The following TBC1D16 variants were observed in gnomAD, a reference collection of about 807,000 sequenced individuals.
TBC1D16 encodes the protein TBC1 domain family member 16.
A neutral mutation model predicts 74.7 loss-of-function variants in TBC1D16; 58 were observed. The observed-to-expected ratio is 0.78, with a 90% CI of 0.63 to 0.97. TBC1D16 has a LOEUF of 0.97. Ranked by LOEUF, TBC1D16 falls within the 50% of genes least tolerant of loss-of-function variation. The pLI, the probability that TBC1D16 is intolerant of heterozygous loss-of-function variation, is 0.00. For missense variants in TBC1D16, 1,014 were observed against 1,079.5 expected, an observed-to-expected ratio of 0.94 and a Z score of 0.85; for synonymous variants, 493 against 474.7, an observed-to-expected ratio of 1.04 and a Z score of -0.50.
intron 2 of TBC1D16, 147 bp downstream of exon 2, chr17:80,013,220 C>T: frequency 7.5e-6 from 6 of 802,804 alleles, no homozygotes; most frequent in Non-Finnish European, 9.4e-6. Context: ...CCAGACCCTC[C>T]TTCCGGGAGG....
chr17:79,941,476 C>G lies in TBC1D16; in HGVS notation c.2056-369G>C, dbSNP rs374798460. ...TGGCAGCACCCCTCTCTTCTTCCCCCGCACCTTGCTCCACCCCCCACCCCC... is the reference window on the plus strand; with the variant it reads ...TGGCAGCACCCCTCTCTTCTTCCCCGGCACCTTGCTCCACCCCCCACCCCC... On this transcript the variant is annotated intron_variant, in intron 11 of 11. Transcript: ENST00000310924. The surrounding 1 kb of genome is among the most constrained non-coding windows in gnomAD (Gnocchi z 4.3). 1.3e-5 allele frequency among the ~76,000 whole-genome samples: 2 copies of G among 152,146 alleles called. No individual in the cohort carries two copies. Among genetic ancestry groups the G allele is most frequent in the South Asian group, 2.1e-4 (1 of 4,834 alleles).
chr17:80,018,129 A>G (rs2144725101), intron 1 of TBC1D16, among the ~76,000 whole-genome samples: 1 of 152,056 alleles, frequency 6.6e-6, no homozygotes, highest in African/African-American at 2.4e-5. Flanking sequence ...GCCATGTCCA[A>G]CAGAAACACT....
intron 3 of TBC1D16, among the ~76,000 whole-genome samples, chr17:79,967,443 T>C (rs921670196): frequency 2.0e-5 from 3 of 152,188 alleles, no homozygotes; most frequent in Admixed American, 6.5e-5. Flanking sequence ...GTTTGCATTA[T>C]ATAAGATCAA....
In TBC1D16 at chr17:79,981,537, C is replaced by T. The variant is rs2034579822; in HGVS notation, c.779+28623G>A. Among the ~76,000 whole-genome samples the T allele has an allele frequency of 6.6e-6, 1 of 152,208 alleles. No homozygotes were observed. Among genetic ancestry groups the T allele is most frequent in the Non-Finnish European group, 1.5e-5 (1 of 68,038 alleles). On this transcript the variant is annotated intron_variant, in intron 3 of 11. Transcript: ENST00000310924. The surrounding 1 kb of genome is among the most constrained non-coding windows in gnomAD (Gnocchi z 6.9). ...TTCACAAAAGAAGACACCAGGTGAA[C>T]AAGCACGCAGAGACATATTCAAGAT...
At position 79,950,921 on chromosome 17, in the gene TBC1D16, C is replaced by T. The variant is rs2033004720; in HGVS notation, c.1090-343G>A. 7.4e-7 allele frequency: 1 copy of T among 1,344,482 alleles called. No individual in the cohort carries two copies. Among genetic ancestry groups the T allele is most frequent in the Non-Finnish European group, 9.9e-7 (1 of 1,007,482 alleles). The allele number at this position is 1,344,482 out of a possible 1,614,324, so 83.3% of individuals were successfully genotyped here. A position where few individuals can be genotyped will look rare whatever the true frequency, so the allele number is the denominator to read the frequency against. The stretch of plus-strand genomic sequence containing the variant: ...GCAATGAATTACATGTGATTGGCCA[C>T]ATACAAAGGGATCGCTGTTCTGCGA... On this transcript the variant is annotated intron_variant, in intron 5 of 11. Coordinates refer to ENST00000310924, the MANE Select transcript of TBC1D16 (RefSeq NM_019020.4). The surrounding 1 kb of genome is among the most constrained non-coding windows in gnomAD (Gnocchi z 4.6).
At position 80,001,101 on chromosome 17, in the gene TBC1D16, G is replaced by A. The variant is rs2035468401; in HGVS notation, c.779+9059C>T. Among the ~76,000 whole-genome samples the A allele has an allele frequency of 2.0e-5, 3 of 152,234 alleles. No homozygotes were observed. In the East Asian group the frequency reaches 5.8e-4, roughly 29 times the overall value. The stretch of plus-strand genomic sequence containing the variant: ...CCTGACAGTGAGACTGCTGGGGCGA[G>A]GCTATGTCCTGTGGCCATTTCTAGA... On this transcript the variant is annotated intron_variant, in intron 3 of 11. Transcript: ENST00000310924. This position sits in a 1 kb window ranked among gnomAD's most constrained non-coding sequence, Gnocchi z 5.8.
chr17:80,013,351 G>A lies in TBC1D16; in HGVS notation c.181+16C>T, dbSNP rs750932233. ...CTGGGCTGTGCGACCCTGGAGCCTC[G>A]CCTGCCCTGGCTCACCTGGGTGGTG... On this transcript the variant is annotated intron_variant, in intron 2 of 11. Coordinates refer to ENST00000310924, the MANE Select transcript of TBC1D16 (RefSeq NM_019020.4). 21 of 1,589,458 alleles carry A rather than the reference G, an allele frequency of 1.3e-5. No homozygotes were observed. The highest frequency in any genetic ancestry group is 1.3e-4 in the South Asian group (11 of 87,772).
Position 80,032,219 on chromosome 17 carries a change from G to A in TBC1D16, c.-63+3576C>T, listed in dbSNP as rs375083986. On this transcript the variant is annotated intron_variant, in intron 1 of 11. Coordinates refer to ENST00000310924, the MANE Select transcript of TBC1D16 (RefSeq NM_019020.4). ...ATAGTGACCAATCCAGAAAGACCACGGAGAAAATACTGCCACATCTCAGCG... is the reference window on the plus strand; with the variant it reads ...ATAGTGACCAATCCAGAAAGACCACAGAGAAAATACTGCCACATCTCAGCG... Among the ~76,000 whole-genome samples the A allele has an allele frequency of 1.9e-3, 294 of 152,290 alleles. 1 individual carries two copies. Among genetic ancestry groups the A allele is most frequent in the African/African-American group, 6.1e-3 (254 of 41,546 alleles).
Position 79,937,942 on chromosome 17 carries a change from A to C in TBC1D16, c.*2917T>G, listed in dbSNP as rs1190431120. On this transcript the variant is annotated 3_prime_UTR_variant, in exon 12 of 12. Coordinates refer to ENST00000310924, the MANE Select transcript of TBC1D16 (RefSeq NM_019020.4). The stretch of plus-strand genomic sequence containing the variant: ...CATCAACTTTTAAGTATGCGCACAC[A>C]CGTACGCCAGCCAATAACATTAAGT... The C allele has an allele frequency of 4.6e-5, 7 of 152,296 alleles. No individual in the cohort carries two copies. The South Asian group carries it at 1.2e-3, about 27-fold the overall frequency. 9.4% of individuals were successfully genotyped at this position (152,296 alleles called of 1,614,324 possible).
chr17:79,952,571 G>C, intron 4 of TBC1D16, 86 bp downstream of exon 4: 1 of 1,490,488 alleles, frequency 6.7e-7, no homozygotes, highest in Non-Finnish European at 9.0e-7. Context: ...TCCCCAAGCC[G>C]TGCACTGCAC....
At chr17:79,958,949 C>G (rs1436458976) in intron 3 of TBC1D16, among the ~76,000 whole-genome samples, 16 of 152,228 alleles carry the variant, frequency 1.1e-4, no homozygotes, top group Non-Finnish European at 2.9e-5. Flanking sequence ...AAAGAAGGAA[C>G]AGAACTGCCC....
At chr17:80,020,702 C>T (rs531402985) in intron 1 of TBC1D16, among the ~76,000 whole-genome samples, 1 of 150,238 alleles carries the variant, frequency 6.7e-6, no homozygotes, top group Non-Finnish European at 1.5e-5. Flanking sequence ...TAATAAACTC[C>T]ACATTTTAAT....
chr17:79,978,068 C>T (rs2034410730), intron 3 of TBC1D16, among the ~76,000 whole-genome samples: 1 of 152,224 alleles, frequency 6.6e-6, no homozygotes, highest in Non-Finnish European at 1.5e-5. Context: ...CCGGATTCTG[C>T]CATCCCAGGC....
chr17:80,024,599 C>CCATAGACACACACACTACACAT (rs2036467962), intron 1 of TBC1D16, among the ~76,000 whole-genome samples: 1 of 149,406 alleles, frequency 6.7e-6, no homozygotes, highest in African/African-American at 2.5e-5. Flanking sequence ...ACACCACACA[C>CCATAGACACACACACTACACAT]CATAGACACA....
chr17:79,963,436 T>C (rs1221765419), intron 3 of TBC1D16, among the ~76,000 whole-genome samples: 1 of 152,194 alleles, frequency 6.6e-6, no homozygotes, highest in Non-Finnish European at 1.5e-5. Context: ...TTCCCTTTTA[T>C]GGCTGAATAA....
At position 79,985,044 on chromosome 17, in the gene TBC1D16, T is replaced by C. The variant is rs1002755361; in HGVS notation, c.779+25116A>G. Among the ~76,000 whole-genome samples the C allele has an allele frequency of 6.6e-6, 1 of 152,168 alleles. No individual in the cohort carries two copies. The highest frequency in any genetic ancestry group is 1.5e-5 in the Non-Finnish European group (1 of 68,042). ...AAGCTTGAAAACAACAGAAATGTAT[T>C]GTCTGGCAGTTCTGGAGGTCAAAGT... On this transcript the variant is annotated intron_variant, in intron 3 of 11. Transcript: ENST00000310924. This position sits in a 1 kb window ranked among gnomAD's most constrained non-coding sequence, Gnocchi z 4.9.
chr17:79,968,053 C>T (rs57772110), intron 3 of TBC1D16, among the ~76,000 whole-genome samples: 47,822 of 151,928 alleles, frequency 0.31, 8,321 homozygotes, highest in East Asian at 0.54. Context: ...AGTGCAGTGG[C>T]GAGATCTCGG....
At position 79,954,346 on chromosome 17, in the gene TBC1D16, T is replaced by C. The variant is rs1237817976; in HGVS notation, c.780-1528A>G. Among the ~76,000 whole-genome samples the C allele has an allele frequency of 6.6e-6, 1 of 152,202 alleles. No individual in the cohort carries two copies. The highest frequency in any genetic ancestry group is 1.5e-5 in the Non-Finnish European group (1 of 68,032). ...GGAACTTCACACAGAGAAACCTGAC[T>C]GGCCTTTCTAGAGCCCTCTACTGCG... On this transcript the variant is annotated intron_variant, in intron 3 of 11. Coordinates refer to ENST00000310924, the MANE Select transcript of TBC1D16 (RefSeq NM_019020.4). This position sits in a 1 kb window ranked among gnomAD's most constrained non-coding sequence, Gnocchi z 5.5.
chr17:79,965,019 G>T (rs1425323053), intron 3 of TBC1D16, among the ~76,000 whole-genome samples: 1 of 152,020 alleles, frequency 6.6e-6, no homozygotes, highest in South Asian at 2.1e-4. Context: ...CGCATTAAAA[G>T]AATTTTCTAA....
Sources: allele counts gnomAD v4.1 joint callset (sites outside exome capture counted in the v4.1 genomes callset), GRCh38; gene constraint gnomAD v4.1.1; non-coding constraint Gnocchi (gnomAD v3.1); transcripts MANE v1.5; gene names NCBI Gene and HGNC (gene_info 2026-07-23, HGNC 2026-07-21).